PDK1: variants seen among roughly 807,000 people sequenced by gnomAD.
PDK1 encodes the protein [Pyruvate dehydrogenase (acetyl-transferring)] kinase isozyme 1, mitochondrial.
PDK1 carries 39 observed loss-of-function variants against 54.2 expected under a neutral mutation model. The ratio of observed to expected loss-of-function variants is 0.72; its 90% CI spans 0.56 to 0.94. PDK1 has a LOEUF of 0.94. Ranked by LOEUF, PDK1 falls within the 40% of genes least tolerant of loss-of-function variation. The pLI is 0.00. For missense variants in PDK1, 552 were observed against 566.0 expected (o/e 0.98, Z 0.25); for synonymous variants, 221 against 207.1 (o/e 1.07, Z -0.58).
rs55753852 is a variant in PDK1, at chr2:172,557,610, C to CGTGTGTGTGTGTGT, written c.197-1075_197-1062dup. On this transcript the variant is annotated intron_variant, in intron 1 of 10. Transcript: ENST00000282077. ...TTCCTCTGCACTTACTCTTTTTTCC[C>CGTGTGTGTGTGTGT]GTGTGTGTGTGTGTGTGTGTGTGTG... is the stretch of plus-strand genomic sequence containing the variant. Among the ~76,000 whole-genome samples the CGTGTGTGTGTGTGT allele has an allele frequency of 3.1e-3, 438 of 142,010 alleles. 4 individuals are homozygous for CGTGTGTGTGTGTGT. Among genetic ancestry groups the CGTGTGTGTGTGTGT allele is most frequent in the African/African-American group, 0.011 (405 of 37,838 alleles). The allele number at this position is 142,010 out of a possible 152,430, so 93.2% of individuals were successfully genotyped here. A position where few individuals can be genotyped will look rare whatever the true frequency, so the allele number is the denominator to read the frequency against.
At chr2:172,588,732 C>T (rs1342428348) in intron 9 of PDK1, among the ~76,000 whole-genome samples, 1 of 152,190 alleles carries the variant, frequency 6.6e-6, no homozygotes, top group African/African-American at 2.4e-5. Context: ...ACAGGAGTGG[C>T]TTTCTTGTCT....
rs769058273 is a variant in PDK1 at position 172,570,680 on chromosome 2, C to A, written c.847-46C>A. ...TATGTACTTGAAAATTACACTTTCTCTTTTCTAAAAAGCTGTATTTTTAAT... is the reference window on the plus strand; with the variant it reads ...TATGTACTTGAAAATTACACTTTCTATTTTCTAAAAAGCTGTATTTTTAAT... On this transcript the variant is annotated intron_variant, in intron 7 of 10. Coordinates refer to ENST00000282077, the MANE Select transcript of PDK1 (RefSeq NM_002610.5). 1.0e-5 allele frequency: 12 copies of A among 1,151,560 alleles called. No individual in the cohort carries two copies. In the Admixed American group the frequency reaches 2.3e-4, roughly 22 times the overall value. 71.3% of individuals were successfully genotyped at this position (1,151,560 alleles called of 1,614,324 possible).
At chr2:172,610,385 G>T (rs1222778136), downstream of PDK1, among the ~76,000 whole-genome samples, 6 of 152,194 alleles carry the variant, frequency 3.9e-5, no homozygotes, top group Middle Eastern at 3.4e-3. Context: ...GGGCACACCG[G>T]ATCTCTTTGC....
At chr2:172,707,220 T>C in the PDK1 span, among the ~76,000 whole-genome samples, 9 of 152,160 alleles carry the variant, frequency 5.9e-5, no homozygotes, top group African/African-American at 1.4e-4. Flanking sequence ...CCTTATCACC[T>C]GTCAGGGATG....
intron 9 of PDK1, among the ~76,000 whole-genome samples, chr2:172,591,898 G>A (rs1045076364): frequency 6.6e-6 from 1 of 152,184 alleles, no homozygotes; most frequent in African/African-American, 2.4e-5. Flanking sequence ...CAAACAGCTC[G>A]CATATTTGAG....
the PDK1 span, among the ~76,000 whole-genome samples, chr2:172,622,497 CAT>C: frequency 0.13 from 18,019 of 137,582 alleles, 1,835 homozygotes; most frequent in Non-Finnish European, 0.2. Flanking sequence ...GTTTATATCT[CAT>C]ATATTATGTG....
chr2:172,707,004 T>C, the PDK1 span, among the ~76,000 whole-genome samples: 1 of 152,166 alleles, frequency 6.6e-6, no homozygotes, highest in Non-Finnish European at 1.5e-5. Context: ...AGGGAGTTAC[T>C]GCTTCCTTTG....
At chr2:172,578,841 C>A (rs1018230159) in intron 8 of PDK1, among the ~76,000 whole-genome samples, 1 of 151,844 alleles carries the variant, frequency 6.6e-6, no homozygotes, top group Non-Finnish European at 1.5e-5. Context: ...AATGACTGGA[C>A]TGAGATTTCC....
chr2:172,628,398 T>C, the PDK1 span, among the ~76,000 whole-genome samples: 1 of 152,232 alleles, frequency 6.6e-6, no homozygotes, highest in Admixed American at 6.5e-5. Flanking sequence ...AAGATAATTC[T>C]TTCTTTTCCT....
chr2:172,703,766 C>CTTTTTTTTT, the PDK1 span, among the ~76,000 whole-genome samples: 741 of 89,114 alleles, frequency 8.3e-3, 50 homozygotes, highest in African/African-American at 0.017. Context: ...TTCTTTCTTT[C>CTTTTTTTTT]TTTTTTTTTT....
the PDK1 span, among the ~76,000 whole-genome samples, chr2:172,631,866 G>T: frequency 6.6e-6 from 1 of 152,120 alleles, no homozygotes; most frequent in Non-Finnish European, 1.5e-5. Flanking sequence ...TCTGATATTT[G>T]TATACGAATA....
chr2:172,592,491 G>A (rs1012659615), intron 9 of PDK1, among the ~76,000 whole-genome samples: 1 of 150,972 alleles, frequency 6.6e-6, no homozygotes, highest in African/African-American at 2.4e-5. Flanking sequence ...CTCTTCCTCT[G>A]TCTCTCTCTC....
the PDK1 span, among the ~76,000 whole-genome samples, chr2:172,677,897 G>A: frequency 6.6e-6 from 1 of 152,162 alleles, no homozygotes; most frequent in Non-Finnish European, 1.5e-5. Context: ...GGCCGGGTGC[G>A]GTAGCTCACG....
chr2:172,712,891 C>G, the PDK1 span, among the ~76,000 whole-genome samples: 4 of 152,236 alleles, frequency 2.6e-5, no homozygotes, highest in African/African-American at 9.6e-5. Context: ...CAGATAACTG[C>G]AGGGTGAGCA....
the PDK1 span, among the ~76,000 whole-genome samples, chr2:172,722,386 T>C: frequency 6.6e-6 from 1 of 152,358 alleles, no homozygotes; most frequent in East Asian, 1.9e-4. Context: ...CAACCTGCTC[T>C]GATATGAGAT....
the PDK1 span, among the ~76,000 whole-genome samples, chr2:172,682,130 A>G: frequency 1.3e-5 from 2 of 152,212 alleles, no homozygotes; most frequent in African/African-American, 4.8e-5. Context: ...AAAGGCTTGA[A>G]AGTGATAAGG....
chr2:172,693,733 C>G, the PDK1 span, among the ~76,000 whole-genome samples: 1 of 152,220 alleles, frequency 6.6e-6, no homozygotes, highest in Admixed American at 6.5e-5. Flanking sequence ...ACCTCTTCCT[C>G]TTCCCCTCTT....
the PDK1 span, among the ~76,000 whole-genome samples, chr2:172,698,920 T>C: frequency 3.9e-5 from 6 of 152,154 alleles, no homozygotes; most frequent in African/African-American, 1.4e-4. Context: ...ATGAGAACCA[T>C]TACAGTAAGA....
intron 2 of PDK1, among the ~76,000 whole-genome samples, chr2:172,561,674 C>T (rs1324984317): frequency 6.6e-6 from 1 of 152,194 alleles, no homozygotes; most frequent in Non-Finnish European, 1.5e-5. Context: ...TTAAAATGTA[C>T]ATTTTTATGA....
Sources: allele counts gnomAD v4.1 joint callset (sites outside exome capture counted in the v4.1 genomes callset), GRCh38; gene constraint gnomAD v4.1.1; transcripts MANE v1.5; gene names NCBI Gene and HGNC (gene_info 2026-07-23, HGNC 2026-07-21).